The following INSL6 variants were observed in gnomAD, a reference collection of about 807,000 sequenced individuals.
INSL6 encodes the protein insulin-like peptide INSL6.
INSL6 carries 16 observed loss-of-function variants against 9.4 expected under a neutral mutation model. That is an observed-to-expected ratio of 1.70 (90% confidence interval 1.15 to 2.59). The LOEUF (loss-of-function observed/expected upper bound fraction) is 2.59, where lower values mean the gene tolerates loss of function less well. INSL6 is among the 30% of genes most tolerant of loss of function. The pLI is 0.00. For missense variants in INSL6, 391 were observed against 257.3 expected (o/e 1.52, Z -3.56); for synonymous variants, 154 against 96.9 (o/e 1.59, Z -3.46).
the INSL6 span, among the ~76,000 whole-genome samples, chr9:5,105,848 C>A: frequency 2.0e-5 from 3 of 152,214 alleles, no homozygotes; most frequent in African/African-American, 7.2e-5. Context: ...GCTGGGAAAA[C>A]TGGCTAGCCA....
the INSL6 span, among the ~76,000 whole-genome samples, chr9:5,045,662 T>C: frequency 2.4e-4 from 37 of 152,334 alleles, 1 homozygote; most frequent in East Asian, 5.0e-3. Flanking sequence ...AATGGAGTTA[T>C]ATAGCATTTG....
the INSL6 span, among the ~76,000 whole-genome samples, chr9:5,024,178 C>A: frequency 6.6e-6 from 1 of 152,108 alleles, no homozygotes. Context: ...ATGGCATGAA[C>A]CCAGGAGGCG....
chr9:5,099,643 CTG>C, the INSL6 span: 1 of 152,234 alleles, frequency 6.6e-6, no homozygotes, highest in Non-Finnish European at 1.5e-5. Flanking sequence ...CTGTTTCCCA[CTG>C]TTTCCAACCT....
chr9:5,018,673 C>A, the INSL6 span, among the ~76,000 whole-genome samples: 1,006 of 152,276 alleles, frequency 6.6e-3, 17 homozygotes, highest in African/African-American at 0.023. Flanking sequence ...TGTAGAACTC[C>A]CTCAAGCATT....
At chr9:5,066,560 A>T in the INSL6 span, 214 of 640,790 alleles carry the variant, frequency 3.3e-4, no homozygotes, top group East Asian at 5.8e-3. Context: ...TAAACATATA[A>T]AGTAGAGGAG....
chr9:4,998,488 C>G, the INSL6 span, among the ~76,000 whole-genome samples: 1 of 152,132 alleles, frequency 6.6e-6, no homozygotes, highest in African/African-American at 2.4e-5. Context: ...AACTCCTGAC[C>G]TCGTGATCCG....
chr9:5,123,935 G>T (rs1823803477), exon 4 of INSL6, among the ~76,000 whole-genome samples: 1 of 148,888 alleles, frequency 6.7e-6, no homozygotes, highest in African/African-American at 2.5e-5. Flanking sequence ...ATCTCATTGT[G>T]ATTTTAATTT....
chr9:5,179,257 T>C (rs1825388597), intron 1 of INSL6, among the ~76,000 whole-genome samples: 1 of 152,036 alleles, frequency 6.6e-6, no homozygotes. Context: ...AAACAAAAAA[T>C]AGCTCAACAT....
At chr9:5,130,337 T>C (rs532773845) in intron 3 of INSL6, among the ~76,000 whole-genome samples, 1 of 152,344 alleles carries the variant, frequency 6.6e-6, no homozygotes, top group South Asian at 2.1e-4. Flanking sequence ...TAAATCATCT[T>C]TGAGCAGTGT....
chr9:5,008,278 T>C, the INSL6 span, among the ~76,000 whole-genome samples: 1 of 152,244 alleles, frequency 6.6e-6, no homozygotes, highest in South Asian at 2.1e-4. Context: ...TCATTAATAA[T>C]TTGTTGAGAA....
the INSL6 span, chr9:5,081,876 T>C: frequency 6.2e-7 from 1 of 1,601,146 alleles, no homozygotes; most frequent in Non-Finnish European, 8.5e-7. Flanking sequence ...ATTGTCAGAA[T>C]TTTTTCAAAT....
At chr9:5,149,454 A>G (rs1824670090) in intron 2 of INSL6, among the ~76,000 whole-genome samples, 1 of 152,160 alleles carries the variant, frequency 6.6e-6, no homozygotes, top group African/African-American at 2.4e-5. Flanking sequence ...ACCAATAATG[A>G]TCAAGCTGAA....
At chr9:5,157,029 A>C (rs1824829136) in intron 2 of INSL6, among the ~76,000 whole-genome samples, 1 of 152,184 alleles carries the variant, frequency 6.6e-6, no homozygotes, top group African/African-American at 2.4e-5. Context: ...AATAAAATAA[A>C]ATAATAAAAT....
intron 1 of INSL6, among the ~76,000 whole-genome samples, chr9:5,164,709 T>A (rs889243106): frequency 6.6e-6 from 1 of 152,258 alleles, no homozygotes; most frequent in Non-Finnish European, 1.5e-5. Context: ...CTATTCCGTA[T>A]ATTTCATATA....
chr9:5,181,319 C>A (rs115039632), intron 1 of INSL6, among the ~76,000 whole-genome samples: 1 of 151,778 alleles, frequency 6.6e-6, no homozygotes, highest in South Asian at 2.1e-4. Context: ...AAAATAGTAA[C>A]GATAAAAGGC....
chr9:5,134,687 A>G (rs571983723), intron 2 of INSL6, among the ~76,000 whole-genome samples: 10 of 152,332 alleles, frequency 6.6e-5, no homozygotes, highest in Non-Finnish European at 1.3e-4. Flanking sequence ...TCCTGAAGGA[A>G]GCACTAAACA....
chr9:5,021,694 A>C, the INSL6 span, among the ~76,000 whole-genome samples: 8 of 152,086 alleles, frequency 5.3e-5, no homozygotes, highest in African/African-American at 1.7e-4. Flanking sequence ...TGGAGTGCGG[A>C]GGTTTGCTGC....
At chr9:5,113,218 T>C in the INSL6 span, among the ~76,000 whole-genome samples, 8 of 97,140 alleles carry the variant, frequency 8.2e-5, no homozygotes, top group African/African-American at 1.5e-4. Context: ...TTTTTTTTTT[T>C]TCCAGTAAAC....
the INSL6 span, chr9:5,114,067 A>G: frequency 3.0e-6 from 1 of 337,152 alleles, no homozygotes; most frequent in Non-Finnish European, 5.9e-6. Context: ...ACACAAAGCA[A>G]GCTCACCCTC....
Sources: allele counts gnomAD v4.1 joint callset (sites outside exome capture counted in the v4.1 genomes callset), GRCh38; gene constraint gnomAD v4.1.1; transcripts MANE v1.5; gene names NCBI Gene and HGNC (gene_info 2026-07-23, HGNC 2026-07-21).